PKD2: variants seen among roughly 807,000 people sequenced by gnomAD.
PKD2 encodes polycystin 2, transient receptor potential cation channel, also known as polycystin-2.
In PKD2, 48 loss-of-function variants were observed where a neutral mutation model predicts 105.9. The ratio of observed to expected loss-of-function variants is 0.45; its 90% CI spans 0.36 to 0.58. The LOEUF (loss-of-function observed/expected upper bound fraction) is 0.58, where lower values mean the gene tolerates loss of function less well. Among genes scored for constraint, PKD2 ranks in the 20% least tolerant of loss-of-function variants. PKD2 has a pLI of 0.00. For missense variants in PKD2, 1,078 were observed against 1,255.3 expected, an observed-to-expected ratio of 0.86 and a Z score of 2.13; for synonymous variants, 464 against 481.1, an observed-to-expected ratio of 0.96 and a Z score of 0.46.
chr4:88,064,684 G>A (rs1720719412), intron 10 of PKD2, among the ~76,000 whole-genome samples: 1 of 151,672 alleles, frequency 6.6e-6, no homozygotes, highest in South Asian at 2.1e-4. Flanking sequence ...TTGAGCTCAG[G>A]AGTTCAACAC....
Position 88,065,398 on chromosome 4 carries a change from C to G in PKD2, c.2143C>G (p.Leu715Val). 6.2e-7 allele frequency: 1 copy of G among 1,612,522 alleles called. No homozygotes were observed. Among genetic ancestry groups the G allele is most frequent in the South Asian group, 1.1e-5 (1 of 91,050 alleles). ...GGGCTACCATAAAGCTTTGGTCAAA[C>G]TAAAACTGAAAAAAAATACCGTGGA... ...RKGYHKALVK[L>V]KLKKNTVDDI... The change falls in exon 11 of 15, where the codon CTA (leucine) becomes GTA (valine). Residue 715 changes from leucine (L) to valine (V), a missense_variant. Physicochemically the swap from Leu to Val is conservative, Grantham distance 32. Transcript: ENST00000237596.
chr4:88,014,423 G>A lies in PKD2; in HGVS notation c.596-5035G>A, dbSNP rs114902043. 1.5e-3 allele frequency among the ~76,000 whole-genome samples: 229 copies of A among 151,722 alleles called. 1 individual carries two copies. Among genetic ancestry groups the A allele is most frequent in the African/African-American group, 5.4e-3 (224 of 41,386 alleles). On this transcript the variant is annotated intron_variant, in intron 1 of 14. Coordinates refer to ENST00000237596, the MANE Select transcript of PKD2 (RefSeq NM_000297.4). Reference sequence around the variant, plus strand: ...TCCCAGCTGCTTAAGAGACTGGGGCGGGAGGATTGCTTGAGCCTGGGAATC... The same window carrying A: ...TCCCAGCTGCTTAAGAGACTGGGGCAGGAGGATTGCTTGAGCCTGGGAATC...
chr4:88,009,744 T>G (rs1402540977), intron 1 of PKD2, among the ~76,000 whole-genome samples: 1 of 152,202 alleles, frequency 6.6e-6, no homozygotes, highest in East Asian at 1.9e-4. Context: ...TAACACTTTT[T>G]AAGATTCAAA....
chr4:88,050,737 T>C (rs1720055918), intron 6 of PKD2, among the ~76,000 whole-genome samples: 1 of 152,156 alleles, frequency 6.6e-6, no homozygotes, highest in African/African-American at 2.4e-5. Flanking sequence ...CTATTCCCAC[T>C]GCAGGCCTTC....
At chr4:88,011,900 G>T (rs998807678) in intron 1 of PKD2, among the ~76,000 whole-genome samples, 33 of 149,746 alleles carry the variant, frequency 2.2e-4, no homozygotes, top group African/African-American at 7.4e-4. Flanking sequence ...CAATGGGGGG[G>T]GGGGGGAGGG....
chr4:88,007,849 G>T lies in PKD2; in HGVS notation c.116G>T (p.Ser39Ile). The T allele has an allele frequency of 2.5e-6, 3 of 1,218,560 alleles. No individual in the cohort carries two copies. Among genetic ancestry groups the T allele is most frequent in the Non-Finnish European group, 3.1e-6 (3 of 980,408 alleles). 75.5% of individuals were successfully genotyped at this position (1,218,560 alleles called of 1,614,324 possible). A position where few individuals can be genotyped will look rare whatever the true frequency, so the allele number is the denominator to read the frequency against. ...LMAGCAAVGA[S>I]LAAPGGLCEQ... is the part of the protein sequence containing the mutation. Reference sequence around the variant, plus strand: ...GCTGGCTGCGCGGCCGTGGGCGCCAGCCTCGCCGCCCCGGGCGGCCTCTGC... The same window carrying T: ...GCTGGCTGCGCGGCCGTGGGCGCCATCCTCGCCGCCCCGGGCGGCCTCTGC... Residue 39 changes from serine to isoleucine, a missense_variant, in exon 1 of 15, where the codon AGC (serine) becomes ATC (isoleucine). Around this residue, in one of 2 missense-constraint regions of PKD2, gnomAD observed 210 missense variants for 187.9 expected, o/e 1.12. Transcript: ENST00000237596.
At position 88,044,893 on chromosome 4, in the gene PKD2, AAAAG is replaced by A. The variant is rs1439627984; in HGVS notation, c.1319+1448_1319+1451del. Among the ~76,000 whole-genome samples, 14 of 152,200 alleles carry A rather than the reference AAAAG, an allele frequency of 9.2e-5. No homozygotes were observed. In the South Asian group the frequency reaches 1.9e-3, roughly 20 times the overall value. On this transcript the variant is annotated intron_variant, in intron 5 of 14. Transcript: ENST00000237596. ...TGTCCTTGCTCACAGTGGCCAAAAAAAAAGAAAGAAAGAAAAGAAATACTCAACC... is the reference window on the plus strand; with the variant it reads ...TGTCCTTGCTCACAGTGGCCAAAAAAAAAGAAAGAAAAGAAATACTCAACC...
intron 2 of PKD2, among the ~76,000 whole-genome samples, chr4:88,029,156 G>A (rs951776861): frequency 6.6e-6 from 1 of 152,164 alleles, no homozygotes; most frequent in Admixed American, 6.5e-5. Flanking sequence ...ATTTGGTCCA[G>A]TGGCATTTGG....
chr4:88,060,677 G>C (rs1003878068), intron 9 of PKD2, among the ~76,000 whole-genome samples: 3 of 151,990 alleles, frequency 2.0e-5, no homozygotes, highest in African/African-American at 2.4e-5. Flanking sequence ...AAAAGTTGGT[G>C]GGGGGGAACC....
At chr4:88,072,657 C>G (rs1030948652) in intron 13 of PKD2, among the ~76,000 whole-genome samples, 1 of 152,138 alleles carries the variant, frequency 6.6e-6, no homozygotes, top group Admixed American at 6.5e-5. Context: ...GAAACTCCAC[C>G]CTACAAGTGG....
At chr4:88,018,234 A>C (rs571886119) in intron 1 of PKD2, among the ~76,000 whole-genome samples, 91 of 152,328 alleles carry the variant, frequency 6.0e-4, no homozygotes, top group African/African-American at 2.0e-3. Context: ...TGATTTTCCT[A>C]AAGGACATTT....
At chr4:88,025,767 G>C (rs939053997) in intron 2 of PKD2, among the ~76,000 whole-genome samples, 1 of 152,188 alleles carries the variant, frequency 6.6e-6, no homozygotes, top group Non-Finnish European at 1.5e-5. Context: ...ATTGGATCAT[G>C]GGGATGGTTT....
intron 2 of PKD2, among the ~76,000 whole-genome samples, chr4:88,023,536 A>G (rs983232480): frequency 2.0e-5 from 3 of 152,228 alleles, no homozygotes; most frequent in African/African-American, 7.2e-5. Flanking sequence ...AGGGTTTTAA[A>G]AAGCAGTTTG....
At chr4:88,024,214 TG>T (rs1316922114) in intron 2 of PKD2, among the ~76,000 whole-genome samples, 1 of 151,866 alleles carries the variant, frequency 6.6e-6, no homozygotes, top group African/African-American at 2.4e-5. Context: ...CTCAGCACTT[TG>T]GGAGGCCGAG....
chr4:88,010,404 T>A (rs1383253325), intron 1 of PKD2, among the ~76,000 whole-genome samples: 1 of 152,254 alleles, frequency 6.6e-6, no homozygotes, highest in Non-Finnish European at 1.5e-5. Context: ...CTGTGCTAGC[T>A]GCTATGAATA....
At chr4:88,037,459 C>A (rs1441719591) in intron 3 of PKD2, among the ~76,000 whole-genome samples, 3 of 152,156 alleles carry the variant, frequency 2.0e-5, no homozygotes, top group African/African-American at 7.2e-5. Flanking sequence ...TATTATTTCT[C>A]CTTGGGGAGA....
rs578016863 is a variant in PKD2, at chr4:88,012,480, C to T, written c.595+4152C>T. ...AGGACATGCAGGATAATCATACCAA[C>T]ACAGTCCGTGTATCCAGAATTCTAA... On this transcript the variant is annotated intron_variant, in intron 1 of 14. Transcript: ENST00000237596. 3.3e-5 allele frequency among the ~76,000 whole-genome samples: 5 copies of T among 152,092 alleles called. No homozygotes were observed. The East Asian group carries it at 7.7e-4, about 24-fold the overall frequency.
At chr4:88,054,244 A>G (rs1720226192) in intron 7 of PKD2, among the ~76,000 whole-genome samples, 1 of 151,738 alleles carries the variant, frequency 6.6e-6, no homozygotes, top group Non-Finnish European at 1.5e-5. Flanking sequence ...AAATACAAAA[A>G]AAAAAAATTA....
chr4:88,049,650 A>G (rs1376136846), intron 6 of PKD2, among the ~76,000 whole-genome samples: 1 of 152,100 alleles, frequency 6.6e-6, no homozygotes, highest in African/African-American at 2.4e-5. Context: ...CCTGTGCTCC[A>G]CTGGACCTTC....
Sources: allele counts gnomAD v4.1 joint callset (sites outside exome capture counted in the v4.1 genomes callset), GRCh38; gene constraint gnomAD v4.1.1; regional missense constraint gnomAD v4.1.1; transcripts MANE v1.5; gene names NCBI Gene and HGNC (gene_info 2026-07-23, HGNC 2026-07-21).